The following RAP1GAP2 variants were observed in gnomAD, a reference collection of about 807,000 sequenced individuals.
RAP1GAP2 encodes rap1 GTPase-activating protein 2.
In RAP1GAP2, 27 loss-of-function variants were observed where a neutral mutation model predicts 95.0. The observed-to-expected ratio is 0.28, with a 90% CI of 0.21 to 0.39. RAP1GAP2 has a LOEUF of 0.39. RAP1GAP2 is among the 10% of genes least tolerant of loss of function. RAP1GAP2 has a pLI of 1.00. For synonymous variants in RAP1GAP2, 373 were observed against 380.9 expected, an observed-to-expected ratio of 0.98 and a Z score of 0.24; for missense variants, 771 against 970.0, an observed-to-expected ratio of 0.79 and a Z score of 2.72.
chr17:2,768,692 CAAA>C (rs59118427), intron 1 of RAP1GAP2, among the ~76,000 whole-genome samples: 3 of 111,378 alleles, frequency 2.7e-5, no homozygotes, highest in Non-Finnish European at 1.8e-5. Flanking sequence ...AACTCTGTCT[CAAA>C]AAAAAAAAAA....
chr17:2,947,147 A>G lies in RAP1GAP2; in HGVS notation c.166-10612A>G, dbSNP rs116823510. On this transcript the variant is annotated intron_variant, in intron 3 of 24. Transcript: ENST00000254695. ...CCATTGCAGGCTCCTGGCCCCAGTG[A>G]CATAGTGAAATGGCACCTCTGAAAC... 4.5e-3 allele frequency among the ~76,000 whole-genome samples: 690 copies of G among 152,254 alleles called. 5 individuals are homozygous for G. Among genetic ancestry groups the G allele is most frequent in the African/African-American group, 0.015 (630 of 41,538 alleles).
intron 22 of RAP1GAP2, among the ~76,000 whole-genome samples, chr17:3,028,715 C>CT (rs2151667673): frequency 6.6e-6 from 1 of 152,300 alleles, no homozygotes; most frequent in African/African-American, 2.4e-5. Context: ...AGCTGCGGAG[C>CT]TGGGTTCAAA....
intron 1 of RAP1GAP2, among the ~76,000 whole-genome samples, chr17:2,768,300 G>A (rs1267734259): frequency 6.6e-6 from 1 of 151,890 alleles, no homozygotes; most frequent in African/African-American, 2.4e-5. Flanking sequence ...GTGCCTGTTT[G>A]TAATTATACA....
In RAP1GAP2 at chr17:2,816,743, T is replaced by A. The variant is rs988511695; in HGVS notation, c.80+16193T>A. ...ATGCTGTGCAAGGATCACCATTATT[T>A]CTAGAAGTTTTTCATCATCCCAAAC... On this transcript the variant is annotated intron_variant, in intron 2 of 24. Transcript: ENST00000254695. Among the ~76,000 whole-genome samples the A allele has an allele frequency of 3.3e-5, 4 of 123,022 alleles. 2 individuals carry two copies. The highest frequency in any genetic ancestry group is 7.8e-5 in the Non-Finnish European group (4 of 51,054). The allele number at this position is 123,022 out of a possible 152,430, so 80.7% of individuals were successfully genotyped here.
Position 2,796,583 on chromosome 17 carries a change from G to C in RAP1GAP2, c.44+12G>C. ...GGGGGCTTCGGATGGTGGGTGACAG[G>C]TGGGAGGGTGGGGGAATGATGGGAG... On this transcript the variant is annotated intron_variant, in intron 1 of 24. Transcript: ENST00000254695. The surrounding 1 kb of genome is among the most constrained non-coding windows in gnomAD (Gnocchi z 4.7). 6.4e-7 allele frequency: 1 copy of C among 1,557,710 alleles called. No individual in the cohort carries two copies. The highest frequency in any genetic ancestry group is 8.7e-7 in the Non-Finnish European group (1 of 1,150,342).
intron 1 of RAP1GAP2, among the ~76,000 whole-genome samples, chr17:2,798,911 G>A (rs1366850311): frequency 6.6e-6 from 1 of 152,178 alleles, no homozygotes; most frequent in Non-Finnish European, 1.5e-5. Context: ...AGAGGTGCAC[G>A]CACCAGGAGC....
chr17:2,881,903 C>T (rs1412755298), intron 2 of RAP1GAP2, among the ~76,000 whole-genome samples: 1 of 152,170 alleles, frequency 6.6e-6, no homozygotes, highest in Non-Finnish European at 1.5e-5. Context: ...TCACTGCAAC[C>T]TCTGTCTCCC....
chr17:2,943,922 G>A (rs1271993618), intron 3 of RAP1GAP2, among the ~76,000 whole-genome samples: 1 of 151,986 alleles, frequency 6.6e-6, no homozygotes, highest in Non-Finnish European at 1.5e-5. Context: ...GGCCAAGGAG[G>A]GCGGACCATG....
chr17:2,795,507 C>A (rs1383543307), upstream of RAP1GAP2, among the ~76,000 whole-genome samples: 1 of 152,162 alleles, frequency 6.6e-6, no homozygotes, highest in Admixed American at 6.5e-5. Context: ...GACAAATCCA[C>A]CCGCACATGG....
chr17:2,899,662 C>A (rs2041960614), intron 2 of RAP1GAP2, among the ~76,000 whole-genome samples: 1 of 152,068 alleles, frequency 6.6e-6, no homozygotes, highest in Non-Finnish European at 1.5e-5. Flanking sequence ...AGACATGCGC[C>A]ATCATGCCTG....
In RAP1GAP2 at chr17:3,006,041, G is replaced by A. The variant is rs1356197612; in HGVS notation, c.1359G>A (p.Glu453=). The A allele has an allele frequency of 6.2e-7, 1 of 1,611,858 alleles. No individual in the cohort carries two copies. The highest frequency in any genetic ancestry group is 8.5e-7 in the Non-Finnish European group (1 of 1,178,626). The change falls in exon 16 of 25, where the codon GAG becomes GAA. Residue 453 remains glutamate, a splice_region_variant and synonymous_variant. Coordinates refer to ENST00000254695, the MANE Select transcript of RAP1GAP2 (RefSeq NM_015085.5). ...AGTCGGACAAGTTTGCAAAGCTGGAGGTGAGAGTGTGGTTTCTGAAGGTCT... is the reference window on the plus strand; with the variant it reads ...AGTCGGACAAGTTTGCAAAGCTGGAAGTGAGAGTGTGGTTTCTGAAGGTCT... The part of the protein sequence containing the change: ...CCKSDKFAKL[E]DRTRAALLDN...
chr17:2,875,625 A>T (rs974413042), intron 2 of RAP1GAP2, among the ~76,000 whole-genome samples: 1 of 152,078 alleles, frequency 6.6e-6, no homozygotes, highest in Non-Finnish European at 1.5e-5. Flanking sequence ...TCTGGGCCTG[A>T]CCGTGACAGG....
At chr17:2,934,262 G>C (rs1040740408) in intron 3 of RAP1GAP2, among the ~76,000 whole-genome samples, 9 of 152,216 alleles carry the variant, frequency 5.9e-5, no homozygotes, top group African/African-American at 1.7e-4. Flanking sequence ...CTCCTGAGTA[G>C]CTGGGACTAT....
chr17:2,960,941 C>T (rs1258918766), intron 4 of RAP1GAP2, among the ~76,000 whole-genome samples: 7 of 152,342 alleles, frequency 4.6e-5, no homozygotes, highest in Non-Finnish European at 7.3e-5. Context: ...CAGGGCCAGG[C>T]GCAGTGGCTC....
intron 2 of RAP1GAP2, among the ~76,000 whole-genome samples, chr17:2,823,372 A>T (rs1056493759): frequency 2.0e-5 from 3 of 152,168 alleles, no homozygotes; most frequent in Non-Finnish European, 4.4e-5. Flanking sequence ...TGTCTGCACG[A>T]CATACGCCCC....
In RAP1GAP2 at chr17:2,963,203, C is replaced by T. The variant is rs969935455; in HGVS notation, c.247-227C>T. The T allele has an allele frequency of 8.1e-6, 5 of 615,750 alleles. No homozygotes were observed. Among genetic ancestry groups the T allele is most frequent in the South Asian group, 3.8e-5 (2 of 52,376 alleles). The allele number at this position is 615,750 out of a possible 1,614,324, so 38.1% of individuals were successfully genotyped here. A position where few individuals can be genotyped will look rare whatever the true frequency, so the allele number is the denominator to read the frequency against. ...CGAGGGGTGAGAAGTTCAGCACCTT[C>T]GGACACTGCATCATCAGCTGGCAGG... is the stretch of plus-strand genomic sequence containing the variant. On this transcript the variant is annotated intron_variant, in intron 5 of 24. Transcript: ENST00000254695. The surrounding 1 kb of genome is among the most constrained non-coding windows in gnomAD (Gnocchi z 4.8).
chr17:2,872,594 G>C (rs1257804634), intron 2 of RAP1GAP2, among the ~76,000 whole-genome samples: 1 of 152,114 alleles, frequency 6.6e-6, no homozygotes, highest in African/African-American at 2.4e-5. Flanking sequence ...AGTCATGCGC[G>C]AGGGCCTTTT....
intron 2 of RAP1GAP2, among the ~76,000 whole-genome samples, chr17:2,822,973 T>G (rs1346604372): frequency 1.3e-5 from 2 of 151,622 alleles, no homozygotes; most frequent in African/African-American, 4.8e-5. Context: ...AGTAGCCGGG[T>G]GTGGTGGTGC....
chr17:2,945,538 G>T (rs1368239766), intron 3 of RAP1GAP2, among the ~76,000 whole-genome samples: 4 of 149,732 alleles, frequency 2.7e-5, no homozygotes, highest in African/African-American at 9.8e-5. Flanking sequence ...GAGTTTCCTT[G>T]TTTTGTTGCT....
Sources: gnomAD v4.1 joint callset for allele counts (sites outside exome capture counted in the v4.1 genomes callset) on GRCh38, gnomAD v4.1.1 for gene constraint, Gnocchi (gnomAD v3.1) non-coding constraint, MANE v1.5 for transcripts, NCBI Gene and HGNC (gene_info 2026-07-23, HGNC 2026-07-21) for gene names.